KCNT2: variants seen among roughly 807,000 people sequenced by gnomAD.
KCNT2 encodes potassium channel subfamily T member 2.
Under a neutral mutation model 153.8 loss-of-function variants are expected in KCNT2, and 67 were observed. The ratio of observed to expected loss-of-function variants is 0.44; its 90% CI spans 0.36 to 0.53. The LOEUF (loss-of-function observed/expected upper bound fraction) is 0.53, where lower values mean the gene tolerates loss of function less well. Among genes scored for constraint, KCNT2 ranks in the 20% least tolerant of loss-of-function variants. The pLI is 0.00. For synonymous variants in KCNT2, 500 were observed against 458.8 expected, an observed-to-expected ratio of 1.09 and a Z score of -1.15; for missense variants, 975 against 1,354.8, an observed-to-expected ratio of 0.72 and a Z score of 4.40.
chr1:196,296,954 C>G (rs1349192250), intron 22 of KCNT2, among the ~76,000 whole-genome samples: 1 of 152,052 alleles, frequency 6.6e-6, no homozygotes, highest in Non-Finnish European at 1.5e-5. Context: ...TCATTGGTTT[C>G]ATGTCCTTGT....
chr1:196,547,295 T>C (rs1247595659), intron 1 of KCNT2, among the ~76,000 whole-genome samples: 2 of 151,972 alleles, frequency 1.3e-5, no homozygotes, highest in Non-Finnish European at 2.9e-5. Context: ...TCAAACGACT[T>C]TTGAAATTAT....
chr1:196,403,268 A>G (rs1243655619), intron 12 of KCNT2, among the ~76,000 whole-genome samples: 1 of 151,672 alleles, frequency 6.6e-6, no homozygotes, highest in Non-Finnish European at 1.5e-5. Context: ...AAGACATGCA[A>G]AACCTCAAAT....
chr1:196,556,598 G>C (rs1658701460), intron 1 of KCNT2, among the ~76,000 whole-genome samples: 1 of 151,304 alleles, frequency 6.6e-6, no homozygotes, highest in Non-Finnish European at 1.5e-5. Context: ...TAAAACTAGA[G>C]CAACCATACA....
At chr1:196,309,029 A>G (rs1285484435) in intron 21 of KCNT2, among the ~76,000 whole-genome samples, 1 of 151,958 alleles carries the variant, frequency 6.6e-6, no homozygotes, top group Non-Finnish European at 1.5e-5. Flanking sequence ...GAAACAATAA[A>G]AATTCACCAA....
chr1:196,297,667 AT>A (rs1660799485), intron 22 of KCNT2, among the ~76,000 whole-genome samples: 2 of 152,200 alleles, frequency 1.3e-5, no homozygotes, highest in African/African-American at 4.8e-5. Flanking sequence ...TTGGATGAAT[AT>A]AGAGACAAGG....
chr1:196,329,808 T>C (rs1664260548), intron 18 of KCNT2, among the ~76,000 whole-genome samples: 1 of 147,528 alleles, frequency 6.8e-6, no homozygotes, highest in African/African-American at 2.5e-5. Flanking sequence ...TAAATATATG[T>C]GCATATAGGT....
At position 196,355,257 on chromosome 1, in the gene KCNT2, T is replaced by C. The variant is rs112066141; in HGVS notation, c.1404-13029A>G. Among the ~76,000 whole-genome samples the C allele has an allele frequency of 6.1e-3, 928 of 151,324 alleles. 11 individuals are homozygous for C. The highest frequency in any genetic ancestry group is 0.021 in the African/African-American group (876 of 41,372). ...CCTTGGTCTACTAGGAAGATGCTTA[T>C]GAATTCCAATTCTTGAACAGCAGAA... On this transcript the variant is annotated intron_variant, in intron 14 of 27. Coordinates refer to ENST00000294725, the MANE Select transcript of KCNT2 (RefSeq NM_198503.5).
chr1:196,416,858 T>G (rs184533254), intron 12 of KCNT2, among the ~76,000 whole-genome samples: 2 of 152,058 alleles, frequency 1.3e-5, no homozygotes, highest in African/African-American at 4.8e-5. Context: ...TATGAAATAG[T>G]AGGTCTTATT....
chr1:196,560,461 C>T (rs1659230842), intron 1 of KCNT2, among the ~76,000 whole-genome samples: 1 of 151,818 alleles, frequency 6.6e-6, no homozygotes, highest in Non-Finnish European at 1.5e-5. Flanking sequence ...TGAAGTACAT[C>T]GTCTTCTCTT....
intron 19 of KCNT2, among the ~76,000 whole-genome samples, chr1:196,325,408 C>T (rs1002864350): frequency 1.3e-5 from 2 of 152,080 alleles, no homozygotes; most frequent in African/African-American, 4.8e-5. Flanking sequence ...ATGTACTCAT[C>T]ATAAGCAAAA....
intron 13 of KCNT2, among the ~76,000 whole-genome samples, chr1:196,375,087 T>TA (rs996770607): frequency 3.3e-5 from 5 of 151,534 alleles, no homozygotes; most frequent in Admixed American, 1.3e-4. Flanking sequence ...GTTAAAAAAG[T>TA]AAAAAAAATA....
intron 25 of KCNT2, among the ~76,000 whole-genome samples, chr1:196,279,573 C>A (rs1658901082): frequency 6.6e-6 from 1 of 151,708 alleles, no homozygotes; most frequent in Admixed American, 6.6e-5. Flanking sequence ...CAGGTGTGCA[C>A]CACCACACCT....
chr1:196,545,125 C>T (rs1164909152), intron 1 of KCNT2, among the ~76,000 whole-genome samples: 2 of 151,942 alleles, frequency 1.3e-5, no homozygotes. Context: ...TTTATAGTTT[C>T]TTCATACATG....
chr1:196,526,860 G>A (rs1272989576), intron 1 of KCNT2, among the ~76,000 whole-genome samples: 1 of 152,068 alleles, frequency 6.6e-6, no homozygotes, highest in Non-Finnish European at 1.5e-5. Context: ...TCCTCAGTGT[G>A]TTTATTCTGT....
intron 12 of KCNT2, among the ~76,000 whole-genome samples, chr1:196,417,171 A>C (rs1672825297): frequency 6.6e-6 from 1 of 152,068 alleles, no homozygotes; most frequent in Non-Finnish European, 1.5e-5. Context: ...CTTGTAAATA[A>C]ATTTTTATTG....
At chr1:196,333,427 A>G (rs1452310358) in intron 17 of KCNT2, among the ~76,000 whole-genome samples, 1 of 152,130 alleles carries the variant, frequency 6.6e-6, no homozygotes, top group East Asian at 1.9e-4. Flanking sequence ...GGAAAGCTTA[A>G]TGGAAGGGGC....
intron 27 of KCNT2, among the ~76,000 whole-genome samples, chr1:196,229,755 C>A (rs571130550): frequency 5.3e-5 from 8 of 152,160 alleles, no homozygotes; most frequent in African/African-American, 1.9e-4. Context: ...GCTGAGATGG[C>A]AAAAGTATGA....
intron 1 of KCNT2, among the ~76,000 whole-genome samples, chr1:196,553,070 A>C (rs1406469568): frequency 6.6e-6 from 1 of 151,322 alleles, no homozygotes; most frequent in African/African-American, 2.4e-5. Flanking sequence ...CCTACTTATC[A>C]ATAATAACAA....
intron 1 of KCNT2, among the ~76,000 whole-genome samples, chr1:196,522,114 C>T (rs1489595015): frequency 6.6e-6 from 1 of 152,130 alleles, no homozygotes; most frequent in African/African-American, 2.4e-5. Context: ...AAACAATGTG[C>T]TTATGCAGAA....
Sources: allele counts gnomAD v4.1 joint callset (sites outside exome capture counted in the v4.1 genomes callset), GRCh38; gene constraint gnomAD v4.1.1; transcripts MANE v1.5; gene names NCBI Gene and HGNC (gene_info 2026-07-23, HGNC 2026-07-21).